The following DNAJC6 variants were observed in gnomAD, a reference collection of about 807,000 sequenced individuals.
The protein encoded by DNAJC6 is DnaJ heat shock protein family (Hsp40) member C6.
A neutral mutation model predicts 110.0 loss-of-function variants in DNAJC6; 34 were observed. The ratio of observed to expected loss-of-function variants is 0.31; its 90% CI spans 0.24 to 0.41. DNAJC6 has a LOEUF of 0.41. Among genes scored for constraint, DNAJC6 ranks in the 10% least tolerant of loss-of-function variants. The pLI is 1.00. For missense variants in DNAJC6, 1,031 were observed against 1,207.8 expected (o/e 0.85, Z 2.17); for synonymous variants, 406 against 437.2 (o/e 0.93, Z 0.89).
chr1:65,404,734 C>T (rs1039239890), intron 15 of DNAJC6, among the ~76,000 whole-genome samples: 6 of 152,184 alleles, frequency 3.9e-5, no homozygotes, highest in African/African-American at 1.4e-4. Flanking sequence ...TAGTGAAAGG[C>T]TTAGCAATTA....
At chr1:65,314,028 T>C (rs1321772065) in intron 1 of DNAJC6, among the ~76,000 whole-genome samples, 1 of 152,138 alleles carries the variant, frequency 6.6e-6, no homozygotes, top group African/African-American at 2.4e-5. Context: ...AAGTTCATAA[T>C]GACAAACTGA....
At chr1:65,279,104 A>C in intron 1 of DNAJC6, 1 of 985,446 alleles carries the variant, frequency 1.0e-6, no homozygotes, top group Non-Finnish European at 1.2e-6. Context: ...TGTGAAATCT[A>C]ACAAGAGCCC....
intron 14 of DNAJC6, among the ~76,000 whole-genome samples, chr1:65,400,650 A>T (rs552022307): frequency 2.0e-5 from 3 of 152,314 alleles, no homozygotes; most frequent in African/African-American, 7.2e-5. Flanking sequence ...TGTCATCTCA[A>T]ATGATAGGAA....
At chr1:65,332,596 GCT>G (rs1385200443) in intron 1 of DNAJC6, among the ~76,000 whole-genome samples, 7 of 152,322 alleles carry the variant, frequency 4.6e-5, no homozygotes, top group African/African-American at 1.7e-4. Flanking sequence ...AGGAGTAAGT[GCT>G]GTCACGCTTG....
chr1:65,318,681 A>G (rs1645169702), intron 1 of DNAJC6, among the ~76,000 whole-genome samples: 1 of 152,100 alleles, frequency 6.6e-6, no homozygotes, highest in Non-Finnish European at 1.5e-5. Flanking sequence ...GCAGGGAACA[A>G]CACACACTGG....
intron 6 of DNAJC6, among the ~76,000 whole-genome samples, chr1:65,384,874 C>T (rs115101950): frequency 3.3e-3 from 498 of 152,266 alleles, no homozygotes; most frequent in Middle Eastern, 6.8e-3. Flanking sequence ...TGTAAGCCCC[C>T]ATACGAAAAT....
chr1:65,322,749 C>T (rs1031796489), intron 1 of DNAJC6, among the ~76,000 whole-genome samples: 1 of 152,194 alleles, frequency 6.6e-6, no homozygotes, highest in Non-Finnish European at 1.5e-5. Context: ...TTCCCACATT[C>T]TTGTCAAAGC....
At chr1:65,291,182 A>G (rs4916038) in intron 1 of DNAJC6, among the ~76,000 whole-genome samples, 87,072 of 151,930 alleles carry the variant, frequency 0.57, 25,412 homozygotes, top group East Asian at 0.72. Flanking sequence ...ACAGGCATAC[A>G]CCACCACACC....
intron 1 of DNAJC6, among the ~76,000 whole-genome samples, chr1:65,352,682 A>C (rs1331521583): frequency 1.3e-5 from 2 of 152,192 alleles, no homozygotes; most frequent in African/African-American, 4.8e-5. Context: ...AACAATATTC[A>C]TCCACAACCA....
At chr1:65,412,303 A>G (rs1224927267) in intron 18 of DNAJC6, among the ~76,000 whole-genome samples, 1 of 152,256 alleles carries the variant, frequency 6.6e-6, no homozygotes, top group Non-Finnish European at 1.5e-5. Context: ...ACATAGAAAC[A>G]TTCAGCAAGA....
At chr1:65,312,838 C>T (rs1176002981) in intron 1 of DNAJC6, among the ~76,000 whole-genome samples, 1 of 152,222 alleles carries the variant, frequency 6.6e-6, no homozygotes, top group African/African-American at 2.4e-5. Flanking sequence ...ATAGCTCTGT[C>T]ACCCAGGCTG....
chr1:65,275,108 A>G (rs1653626535), intron 1 of DNAJC6, among the ~76,000 whole-genome samples: 1 of 152,196 alleles, frequency 6.6e-6, no homozygotes, highest in South Asian at 2.1e-4. Context: ...AGGACACTGT[A>G]ATGATTGTTT....
intron 1 of DNAJC6, among the ~76,000 whole-genome samples, chr1:65,299,291 G>T (rs1364046246): frequency 1.3e-5 from 2 of 152,186 alleles, no homozygotes; most frequent in Non-Finnish European, 2.9e-5. Flanking sequence ...CTGACATTTT[G>T]CTTAAAGCTC....
At chr1:65,398,449 G>GAC (rs140079251) in intron 13 of DNAJC6, among the ~76,000 whole-genome samples, 3,689 of 152,250 alleles carry the variant, frequency 0.024, 62 homozygotes, top group South Asian at 0.037. Context: ...TTAGAGGTGG[G>GAC]ACACACACAC....
chr1:65,402,013 C>T (rs1646034605), intron 15 of DNAJC6, 133 bp downstream of exon 15: 1 of 1,242,344 alleles, frequency 8.0e-7, no homozygotes, highest in Non-Finnish European at 1.1e-6. Context: ...TTAAGCTATC[C>T]TCTGAAACCT....
chr1:65,307,863 T>C (rs1341870775), upstream of DNAJC6, among the ~76,000 whole-genome samples: 4 of 152,234 alleles, frequency 2.6e-5, no homozygotes, highest in African/African-American at 9.6e-5. Flanking sequence ...TTGTTTGATC[T>C]TGTTATAAAT....
chr1:65,318,452 G>A (rs1047173323), intron 1 of DNAJC6, among the ~76,000 whole-genome samples: 18 of 152,208 alleles, frequency 1.2e-4, no homozygotes, highest in East Asian at 3.9e-4. Flanking sequence ...GAATCCCACC[G>A]GTGGTTCCTA....
chr1:65,408,695 A>G lies in DNAJC6; in HGVS notation c.2546A>G (p.Asn849Ser), dbSNP rs754832891. 6.8e-6 allele frequency: 11 copies of G among 1,614,142 alleles called. No individual in the cohort carries two copies. In the East Asian group the frequency reaches 1.8e-4, roughly 26 times the overall value. ...GACCTACTCTCTGGTCAAGGTTTCA[A>G]TGCTCACAAAGACAAAAAGGGGCCT... The part of the protein sequence containing the change: ...FEDLLSGQGF[N>S]AHKDKKGPRT... Residue 849 changes from asparagine to serine, a missense_variant, in exon 17 of 19, where the codon AAT becomes AGT. Coordinates refer to ENST00000371069, the MANE Select transcript of DNAJC6 (RefSeq NM_001256864.2).
intron 1 of DNAJC6, among the ~76,000 whole-genome samples, chr1:65,324,924 C>G (rs1645228797): frequency 6.6e-6 from 1 of 152,094 alleles, no homozygotes; most frequent in Admixed American, 6.5e-5. Context: ...GGTAGGGAAA[C>G]CCTGATATAG....
Sources: gnomAD v4.1 joint callset for allele counts (sites outside exome capture counted in the v4.1 genomes callset) on GRCh38, gnomAD v4.1.1 for gene constraint, MANE v1.5 for transcripts, NCBI Gene and HGNC (gene_info 2026-07-23, HGNC 2026-07-21) for gene names.